The following POTEC variants were observed in gnomAD, a reference collection of about 807,000 sequenced individuals.
The protein encoded by POTEC is ANKRD26-like family B member 2.
In POTEC, 35 loss-of-function variants were observed where a neutral mutation model predicts 62.0. The ratio of observed to expected loss-of-function variants is 0.56; its 90% confidence interval spans 0.43 to 0.75. POTEC has a LOEUF of 0.75. Among genes scored for constraint, POTEC ranks in the 30% least tolerant of loss-of-function variants. The pLI is 0.00. For missense variants in POTEC, 472 were observed against 655.9 expected, an observed-to-expected ratio of 0.72 and a Z score of 3.06; for synonymous variants, 156 against 221.5, an observed-to-expected ratio of 0.70 and a Z score of 2.62.
intron 10 of POTEC, among the ~76,000 whole-genome samples, chr18:14,512,766 AT>A (rs1282581815): frequency 1.4e-5 from 2 of 141,446 alleles, no homozygotes; most frequent in Admixed American, 7.0e-5. Context: ...GCAAGACTCC[AT>A]CTAGAATACA....
chr18:14,540,539 C>T (rs1264043503), intron 1 of POTEC, among the ~76,000 whole-genome samples: 3 of 151,982 alleles, frequency 2.0e-5, no homozygotes, highest in South Asian at 2.1e-4. Flanking sequence ...CTTTGCATGC[C>T]GACATATCTC....
intron 3 of POTEC, 37 bp from the exon 4 acceptor site, chr18:14,535,044 C>CA: frequency 1.3e-6 from 2 of 1,590,700 alleles, no homozygotes; most frequent in Non-Finnish European, 1.7e-6. Flanking sequence ...ATATGTAATT[C>CA]AAAAAATTAT....
intron 5 of POTEC, chr18:14,531,706 T>C (rs896035914): frequency 2.0e-5 from 3 of 151,960 alleles, no homozygotes; most frequent in African/African-American, 7.2e-5. Flanking sequence ...AGAGTTGTGC[T>C]GCCTCCTTAT....
At chr18:14,539,889 A>G (rs151027231) in intron 1 of POTEC, among the ~76,000 whole-genome samples, 2 of 152,224 alleles carry the variant, frequency 1.3e-5, no homozygotes, top group African/African-American at 4.8e-5. Context: ...GGATCCTGAG[A>G]GATGGCAGAA....
At chr18:14,529,488 C>T (rs1447791093) in intron 6 of POTEC, among the ~76,000 whole-genome samples, 1 of 152,102 alleles carries the variant, frequency 6.6e-6, no homozygotes, top group Non-Finnish European at 1.5e-5. Context: ...CTTACAGAAG[C>T]TTTTTGATAA....
chr18:14,539,217 CTG>C (rs1905850052), intron 1 of POTEC, among the ~76,000 whole-genome samples: 1 of 151,786 alleles, frequency 6.6e-6, no homozygotes, highest in South Asian at 2.1e-4. Flanking sequence ...GGATTTAAGA[CTG>C]TTATAAATTT....
intron 4 of POTEC, among the ~76,000 whole-genome samples, chr18:14,533,806 G>A (rs1423802272): frequency 1.3e-5 from 2 of 151,158 alleles, no homozygotes; most frequent in African/African-American, 4.9e-5. Flanking sequence ...TGTCACACAC[G>A]TAGCAAGTAA....
chr18:14,523,456 G>A lies in POTEC; in HGVS notation c.1242+7C>T, dbSNP rs1910357974. On this transcript the variant is annotated splice_region_variant and intron_variant, in intron 8 of 10. Transcript: ENST00000358970. ...TTCAACAGAAACATTTGAACATAAA[G>A]GTATACCTCTCTATCACAGTCCTTA... 1.3e-6 allele frequency: 2 copies of A among 1,564,246 alleles called. No individual in the cohort carries two copies. The highest frequency in any genetic ancestry group is 2.8e-5 in the African/African-American group (2 of 72,442).
At chr18:14,512,350 C>A (rs1195558662) in intron 10 of POTEC, among the ~76,000 whole-genome samples, 2 of 152,156 alleles carry the variant, frequency 1.3e-5, no homozygotes, top group East Asian at 1.9e-4. Context: ...ATAAACCACA[C>A]CATCATAAGA....
chr18:14,522,982 C>A (rs1910348726), intron 8 of POTEC, among the ~76,000 whole-genome samples: 1 of 150,506 alleles, frequency 6.6e-6, no homozygotes, highest in Admixed American at 6.7e-5. Context: ...TGATGGTGCT[C>A]ACTGAAACAT....
chr18:14,541,833 C>T (rs1487288072), intron 1 of POTEC, among the ~76,000 whole-genome samples: 3 of 151,864 alleles, frequency 2.0e-5, no homozygotes, highest in South Asian at 2.1e-4. Flanking sequence ...CAATATGAAA[C>T]ATCACCATTA....
At chr18:14,534,734 CTTT>C (rs1469330035) in intron 4 of POTEC, among the ~76,000 whole-genome samples, 164 bp downstream of exon 4, 6 of 150,824 alleles carry the variant, frequency 4.0e-5, no homozygotes, top group African/African-American at 9.8e-5. Flanking sequence ...TAAAACAGTT[CTTT>C]ATGTTGCCCA....
chr18:14,515,347 T>C (rs1259394612), intron 9 of POTEC, among the ~76,000 whole-genome samples: 1 of 152,094 alleles, frequency 6.6e-6, no homozygotes, highest in East Asian at 1.9e-4. Context: ...GGTATAAAAG[T>C]AGATACACAG....
At chr18:14,539,370 T>C (rs1476820850) in intron 1 of POTEC, among the ~76,000 whole-genome samples, 14 of 151,062 alleles carry the variant, frequency 9.3e-5, no homozygotes, top group African/African-American at 2.7e-4. Context: ...ATTATTTCAT[T>C]ACCCAGGTGT....
chr18:14,543,572 T>C lies in POTEC; in HGVS notation c.-426A>G, dbSNP rs112098966. 5.8e-5 allele frequency: 17 copies of C among 293,066 alleles called. No individual in the cohort carries two copies. The highest frequency in any genetic ancestry group is 1.1e-3 in the Middle Eastern group (1 of 904). 18.2% of individuals were successfully genotyped at this position (293,066 alleles called of 1,614,324 possible). On this transcript the variant is annotated 5_prime_UTR_variant, in exon 1 of 11. Coordinates refer to ENST00000358970, the MANE Select transcript of POTEC (RefSeq NM_001137671.2). The stretch of plus-strand genomic sequence containing the variant: ...CAAGCGAGGAACGCAAAGCGAAGCG[T>C]ACCCGTTACAGGTAAGCCAAGCCGT...
Position 14,511,969 on chromosome 18 carries a change from C to A in POTEC, c.1558G>T (p.Glu520Ter). The A allele has an allele frequency of 1.2e-6, 2 of 1,613,650 alleles. No individual in the cohort carries two copies. Among genetic ancestry groups the A allele is most frequent in the Non-Finnish European group, 1.7e-6 (2 of 1,179,738 alleles). Reference sequence around the variant, plus strand: ...ATGCTGTTTTCACGCAAGAGATCTTCTTCTTTCTTATGACTAAGAGAAAGC... The same window carrying A: ...ATGCTGTTTTCACGCAAGAGATCTTATTCTTTCTTATGACTAAGAGAAAGC... ...SELSLSHKKE[E>*]DLLRENSMLQ... The change falls in exon 11 of 11, where the codon GAA becomes TAA. Residue 520 changes from glutamate (E) to a stop codon, truncating the protein, a stop_gained. Coordinates refer to ENST00000358970, the MANE Select transcript of POTEC (RefSeq NM_001137671.2). LOFTEE classifies it high-confidence loss of function.
chr18:14,535,437 T>G (rs1337686070), intron 3 of POTEC, among the ~76,000 whole-genome samples: 3 of 152,008 alleles, frequency 2.0e-5, no homozygotes, highest in Non-Finnish European at 4.4e-5. Flanking sequence ...TTTACCAAAG[T>G]TCAAGCTCCA....
At chr18:14,531,358 C>T (rs1211674572) in intron 5 of POTEC, among the ~76,000 whole-genome samples, 1 of 151,324 alleles carries the variant, frequency 6.6e-6, no homozygotes, top group Admixed American at 6.6e-5. Flanking sequence ...TCTGAGCCAG[C>T]AGATGTTTGT....
chr18:14,526,698 G>A (rs45569237), intron 6 of POTEC, among the ~76,000 whole-genome samples: 3,410 of 152,210 alleles, frequency 0.022, 55 homozygotes, highest in South Asian at 0.041. Flanking sequence ...GAGCCACTCA[G>A]TAATGCCAGA....
Sources: allele counts gnomAD v4.1 joint callset (sites outside exome capture counted in the v4.1 genomes callset), GRCh38; gene constraint gnomAD v4.1.1; transcripts MANE v1.5; gene names NCBI Gene and HGNC (gene_info 2026-07-23, HGNC 2026-07-21).